YPEL1: variants seen among roughly 807,000 people sequenced by gnomAD.
YPEL1 encodes the protein yippee like 1, also known as protein yippee-like 1.
Under a neutral mutation model 17.3 loss-of-function variants are expected in YPEL1, and 7 were observed. The ratio of observed to expected loss-of-function variants is 0.40; its 90% CI spans 0.23 to 0.76. The LOEUF (loss-of-function observed/expected upper bound fraction) is 0.76, where lower values mean the gene tolerates loss of function less well. YPEL1 is among the 30% of genes least tolerant of loss of function. The pLI is 0.35. For missense variants in YPEL1, 91 were observed against 155.5 expected, an observed-to-expected ratio of 0.59 and a Z score of 2.21; for synonymous variants, 59 against 59.6, an observed-to-expected ratio of 0.99 and a Z score of 0.05.
Position 21,701,160 on chromosome 22 carries a change from G to A in YPEL1, c.329C>T (p.Ala110Val), listed in dbSNP as rs1601621926. 1.9e-6 allele frequency: 3 copies of A among 1,613,908 alleles called. No individual in the cohort carries two copies. Among genetic ancestry groups the A allele is most frequent in the Middle Eastern group, 1.7e-4 (1 of 6,060 alleles). The change falls in exon 5 of 5, where the codon GCT (alanine) becomes GTT (valine). Residue 110 changes from alanine to valine, a missense_variant. By Grantham distance (64) the Ala-to-Val change is moderately conservative (BLOSUM62 0). Coordinates refer to ENST00000339468, the MANE Select transcript of YPEL1 (RefSeq NM_013313.5). ...YKEGKFIIEL[A>V]HMIKDNGWE ...CCAGCCATTGTCTTTGATCATATGA[G>A]CAAGCTCAATGATGAATTTTCCTTC...
chr22:21,730,973 C>T (rs761048714), intron 1 of YPEL1, among the ~76,000 whole-genome samples: 4 of 152,206 alleles, frequency 2.6e-5, no homozygotes, highest in Non-Finnish European at 5.9e-5. Flanking sequence ...TTGTACTGAG[C>T]GCTTCTTTTC....
Position 21,733,882 on chromosome 22 carries a change from A to G in YPEL1, c.-165+1733T>C, listed in dbSNP as rs184159668. On this transcript the variant is annotated intron_variant, in intron 1 of 4. Coordinates refer to ENST00000339468, the MANE Select transcript of YPEL1 (RefSeq NM_013313.5). ...ACTTAGTGAAGACAGGCAAGAATCA[A>G]GAACAGATGTTAGAGGAACACTGCT... 1.5e-3 allele frequency among the ~76,000 whole-genome samples: 230 copies of G among 152,350 alleles called. 1 individual carries two copies. The Middle Eastern group carries it at 0.024, about 16-fold the overall frequency.
intron 1 of YPEL1, among the ~76,000 whole-genome samples, chr22:21,732,356 A>G (rs1269247425): frequency 6.6e-6 from 1 of 152,206 alleles, no homozygotes; most frequent in African/African-American, 2.4e-5. Flanking sequence ...CTACTTAAAA[A>G]CATTTACGTC....
At position 21,703,593 on chromosome 22, in the gene YPEL1, C is replaced by T; in HGVS notation, c.162-115G>A. The T allele has an allele frequency of 1.0e-6, 1 of 1,004,412 alleles. No homozygotes were observed. Among genetic ancestry groups the T allele is most frequent in the Non-Finnish European group, 1.5e-6 (1 of 670,622 alleles). The allele number at this position is 1,004,412 out of a possible 1,614,324, so 62.2% of individuals were successfully genotyped here. A position where few individuals can be genotyped will look rare whatever the true frequency, so the allele number is the denominator to read the frequency against. On this transcript the variant is annotated intron_variant, in intron 3 of 4. Coordinates refer to ENST00000339468, the MANE Select transcript of YPEL1 (RefSeq NM_013313.5). The surrounding 1 kb of genome is among the most constrained non-coding windows in gnomAD (Gnocchi z 6.1). ...AGAGTTCCCCCAAAACAGGGAAACT[C>T]CCAGAGAGCAGTGCCGTGCCTCTCC...
At chr22:21,720,201 A>T (rs2068267773) in intron 1 of YPEL1, among the ~76,000 whole-genome samples, 2 of 138,886 alleles carry the variant, frequency 1.4e-5, no homozygotes, top group African/African-American at 5.2e-5. Flanking sequence ...AAAAAAAAGC[A>T]GTATCACTTT....
In YPEL1 at chr22:21,703,494, G is replaced by A. The variant is rs1436933209; in HGVS notation, c.162-16C>T. The A allele has an allele frequency of 1.9e-6, 3 of 1,602,074 alleles. No homozygotes were observed. The highest frequency in any genetic ancestry group is 1.6e-4 in the Middle Eastern group (1 of 6,064). On this transcript the variant is annotated splice_polypyrimidine_tract_variant and intron_variant, in intron 3 of 4. Coordinates refer to ENST00000339468, the MANE Select transcript of YPEL1 (RefSeq NM_013313.5). The surrounding 1 kb of genome is among the most constrained non-coding windows in gnomAD (Gnocchi z 6.1). ...CACGTTCACCCTGCGGGGACAGAGG[G>A]GCCACTGCGCTGCAGGCCCGGCCCG... is the stretch of plus-strand genomic sequence containing the variant.
intron 1 of YPEL1, among the ~76,000 whole-genome samples, chr22:21,728,141 T>C (rs1053905451): frequency 7.2e-5 from 11 of 152,106 alleles, no homozygotes; most frequent in African/African-American, 2.7e-4. Context: ...TCCACCTCTT[T>C]AGGGAGGAGA....
intron 1 of YPEL1, among the ~76,000 whole-genome samples, chr22:21,725,614 C>T (rs1294713717): frequency 6.6e-6 from 1 of 152,108 alleles, no homozygotes; most frequent in African/African-American, 2.4e-5. Flanking sequence ...GTCCTGGCCC[C>T]TGAAAGGCAC....
At chr22:21,709,826 T>C (rs2068148388) in intron 2 of YPEL1, among the ~76,000 whole-genome samples, 1 of 148,568 alleles carries the variant, frequency 6.7e-6, no homozygotes, top group African/African-American at 2.5e-5. Flanking sequence ...TCCGTGAGGA[T>C]GGGTGCAAGT....
At chr22:21,708,660 ATTTTTT>A (rs150796353) in intron 2 of YPEL1, among the ~76,000 whole-genome samples, 2 of 107,210 alleles carry the variant, frequency 1.9e-5, no homozygotes, top group African/African-American at 3.7e-5. Flanking sequence ...TCTTGATACA[ATTTTTT>A]TTTTTTTTTT....
chr22:21,711,759 A>T (rs963141049), intron 1 of YPEL1, among the ~76,000 whole-genome samples: 3 of 152,216 alleles, frequency 2.0e-5, no homozygotes, highest in African/African-American at 7.2e-5. Context: ...AAGACTATAA[A>T]ACTCTTAGAA....
intron 1 of YPEL1, among the ~76,000 whole-genome samples, chr22:21,716,924 C>T (rs2068229421): frequency 6.6e-6 from 1 of 151,816 alleles, no homozygotes; most frequent in Non-Finnish European, 1.5e-5. Flanking sequence ...TAACCAACAG[C>T]AAACGAGAAA....
intron 1 of YPEL1, among the ~76,000 whole-genome samples, chr22:21,726,980 C>T (rs942249053): frequency 4.6e-5 from 7 of 152,224 alleles, no homozygotes; most frequent in African/African-American, 1.4e-4. Flanking sequence ...TTGTTTCCAA[C>T]CAAAACAGGC....
At chr22:21,731,316 A>C (rs545025045) in intron 1 of YPEL1, among the ~76,000 whole-genome samples, 1 of 149,146 alleles carries the variant, frequency 6.7e-6, no homozygotes, top group Non-Finnish European at 1.5e-5. Flanking sequence ...TGGATGACAG[A>C]GTGAGACCCT....
In YPEL1 at chr22:21,703,492, G is replaced by T; in HGVS notation, c.162-14C>A. On this transcript the variant is annotated splice_polypyrimidine_tract_variant and intron_variant, in intron 3 of 4. Transcript: ENST00000339468. This position sits in a 1 kb window ranked among gnomAD's most constrained non-coding sequence, Gnocchi z 6.1. ...CCCACGTTCACCCTGCGGGGACAGA[G>T]GGGCCACTGCGCTGCAGGCCCGGCC... The T allele has an allele frequency of 6.2e-7, 1 of 1,603,628 alleles. No homozygotes were observed. Among genetic ancestry groups the T allele is most frequent in the Non-Finnish European group, 8.5e-7 (1 of 1,177,896 alleles).
At chr22:21,710,554 T>G in intron 2 of YPEL1, 74 bp downstream of exon 2, 1 of 1,264,794 alleles carries the variant, frequency 7.9e-7, no homozygotes, top group Non-Finnish European at 1.2e-6. Context: ...GATGCTTAAA[T>G]ATTCTTCCAC....
At chr22:21,720,817 T>TTG (rs1390480201) in intron 1 of YPEL1, among the ~76,000 whole-genome samples, 2 of 148,780 alleles carry the variant, frequency 1.3e-5, no homozygotes, top group Non-Finnish European at 3.0e-5. Context: ...GATTTTGTTT[T>TTG]TTTTTTTTTT....
chr22:21,716,834 C>G (rs1027267357), intron 1 of YPEL1, among the ~76,000 whole-genome samples: 1 of 152,220 alleles, frequency 6.6e-6, no homozygotes, highest in Non-Finnish European at 1.5e-5. Context: ...GACTCAACAT[C>G]TCAAAGACCT....
intron 1 of YPEL1, among the ~76,000 whole-genome samples, chr22:21,715,892 C>T (rs1421684939): frequency 6.6e-6 from 1 of 151,878 alleles, no homozygotes; most frequent in Non-Finnish European, 1.5e-5. Context: ...GCCTCACGAG[C>T]ACTGGGATTA....
Sources: allele counts gnomAD v4.1 joint callset (sites outside exome capture counted in the v4.1 genomes callset), GRCh38; gene constraint gnomAD v4.1.1; non-coding constraint Gnocchi (gnomAD v3.1); transcripts MANE v1.5; gene names NCBI Gene and HGNC (gene_info 2026-07-23, HGNC 2026-07-21).